Variants in ST8SIA5 observed in about 807,000 individuals in gnomAD.
ST8SIA5 encodes the protein alpha-2,8-sialyltransferase 8E.
A neutral mutation model predicts 40.2 loss-of-function variants in ST8SIA5; 24 were observed. The ratio of observed to expected loss-of-function variants is 0.60; its 90% CI spans 0.43 to 0.84. The LOEUF (loss-of-function observed/expected upper bound fraction) is 0.84. ST8SIA5 is among the 40% of genes least tolerant of loss of function. ST8SIA5 has a pLI of 0.00. For synonymous variants in ST8SIA5, 198 were observed against 201.8 expected (o/e 0.98, Z 0.16); for missense variants, 465 against 498.5 (o/e 0.93, Z 0.64).
intron 1 of ST8SIA5, among the ~76,000 whole-genome samples, chr18:46,709,193 G>A (rs1006284393): frequency 6.6e-6 from 1 of 152,204 alleles, no homozygotes; most frequent in African/African-American, 2.4e-5. Context: ...AAGAGGCAGG[G>A]CCTTTGGGAG....
chr18:46,718,959 T>C (rs1178356405), intron 1 of ST8SIA5, among the ~76,000 whole-genome samples: 1 of 152,158 alleles, frequency 6.6e-6, no homozygotes, highest in Non-Finnish European at 1.5e-5. Flanking sequence ...CAGAAGCTGC[T>C]CACACGCCAG....
intron 1 of ST8SIA5, among the ~76,000 whole-genome samples, chr18:46,742,178 A>G (rs1469459124): frequency 6.6e-6 from 1 of 152,096 alleles, no homozygotes; most frequent in Non-Finnish European, 1.5e-5. Flanking sequence ...AAATGTGTGG[A>G]ACTTTACCTA....
At chr18:46,726,647 G>A (rs868345663) in intron 1 of ST8SIA5, among the ~76,000 whole-genome samples, 134 of 143,454 alleles carry the variant, frequency 9.3e-4, no homozygotes, top group African/African-American at 3.3e-3. Flanking sequence ...GGCCAGGCAC[G>A]GTGGCTCGTG....
rs750272677 is a variant in ST8SIA5, at chr18:46,680,146, G to A, written c.1027C>T (p.Pro343Ser). Residue 343 changes from proline to serine, a missense_variant, in exon 7 of 7, where the codon CCG (proline) becomes TCG (serine). Transcript: ENST00000315087. ...ITHHYYDNVK[P>S]RPGFHAMPSE... ...GGCATGGCGTGGAAGCCGGGACGCG[G>A]CTTGACGTTGTCATAGTAGTGGTGA... is the stretch of plus-strand genomic sequence containing the variant. 1 of 1,614,260 alleles carries A rather than the reference G, an allele frequency of 6.2e-7. No individual in the cohort carries two copies.
At chr18:46,748,186 G>A (rs1217429614) in intron 1 of ST8SIA5, among the ~76,000 whole-genome samples, 6 of 152,016 alleles carry the variant, frequency 3.9e-5, no homozygotes, top group Admixed American at 3.3e-4. Context: ...AAACCTGCAC[G>A]TTGTGCACAT....
rs746167460 is a variant in ST8SIA5, at chr18:46,680,105, G to T, written c.1068C>A (p.Asn356Lys). The T allele has an allele frequency of 6.2e-7, 1 of 1,614,210 alleles. No homozygotes were observed. Among genetic ancestry groups the T allele is most frequent in the Non-Finnish European group, 8.5e-7 (1 of 1,180,042 alleles). Residue 356 changes from asparagine to lysine, a missense_variant, in exon 7 of 7, where the codon AAC (asparagine) becomes AAA (lysine). Physicochemically the swap from Asn to Lys is moderately conservative, Grantham distance 94. Transcript: ENST00000315087. ...GFHAMPSEIF[N>K]FLHLHSRGIL... Reference sequence around the variant, plus strand: ...TGCCTCGGCTGTGCAAGTGCAGGAAGTTGAAGATCTCAGAGGGCATGGCGT... The same window carrying T: ...TGCCTCGGCTGTGCAAGTGCAGGAATTTGAAGATCTCAGAGGGCATGGCGT...
rs760988683 is a variant in ST8SIA5 at position 46,719,704 on chromosome 18, T to TTCTTTCTTTCTTTCTTTCTTTCTC, written c.132-15041_132-15040insGAGAAAGAAAGAAAGAAAGAAAGA. Reference sequence around the variant, plus strand: ...CTTTTTTCTTTCTTTCTTTCTTTCTTTCTCTCTTTCTTTCTCTCTTTCTCT... The same window carrying TTCTTTCTTTCTTTCTTTCTTTCTC: ...CTTTTTTCTTTCTTTCTTTCTTTCTTTCTTTCTTTCTTTCTTTCTTTCTCTCTCTCTTTCTTTCTCTCTTTCTCT... On this transcript the variant is annotated intron_variant, in intron 1 of 6. Coordinates refer to ENST00000315087, the MANE Select transcript of ST8SIA5 (RefSeq NM_013305.6). Among the ~76,000 whole-genome samples the TTCTTTCTTTCTTTCTTTCTTTCTC allele has an allele frequency of 2.3e-3, 333 of 143,944 alleles. 9 individuals are homozygous for TTCTTTCTTTCTTTCTTTCTTTCTC. The highest frequency in any genetic ancestry group is 0.015 in the South Asian group (67 of 4,326). 94.4% of individuals were successfully genotyped at this position (143,944 alleles called of 152,430 possible).
At chr18:46,689,041 G>T in intron 3 of ST8SIA5, 122 bp from the exon 4 acceptor site, 1 of 1,235,540 alleles carries the variant, frequency 8.1e-7, no homozygotes, top group Non-Finnish European at 1.1e-6. Flanking sequence ...CCTATCCCAC[G>T]CTTGCCCCCA....
Position 46,710,425 on chromosome 18 carries a change from C to T in ST8SIA5, c.132-5761G>A, listed in dbSNP as rs945981160. 5.5e-5 allele frequency among the ~76,000 whole-genome samples: 6 copies of T among 108,438 alleles called. No individual in the cohort carries two copies. The South Asian group carries it at 1.4e-3, about 26-fold the overall frequency. 71.1% of individuals were successfully genotyped at this position (108,438 alleles called of 152,430 possible). A position where few individuals can be genotyped will look rare whatever the true frequency, so the allele number is the denominator to read the frequency against. Reference sequence around the variant, plus strand: ...TTTCTTTCTTTCTTTCTTTTTCTTTCTCTCTCTTTCTTTTTCTTTTTCTTT... The same window carrying T: ...TTTCTTTCTTTCTTTCTTTTTCTTTTTCTCTCTTTCTTTTTCTTTTTCTTT... On this transcript the variant is annotated intron_variant, in intron 1 of 6. Transcript: ENST00000315087.
chr18:46,680,780 C>T (rs2039386468), intron 6 of ST8SIA5, among the ~76,000 whole-genome samples: 1 of 152,146 alleles, frequency 6.6e-6, no homozygotes, highest in Non-Finnish European at 1.5e-5. Context: ...ATGCTGAATC[C>T]AAAAGGATGA....
chr18:46,738,026 C>T (rs112627796), intron 1 of ST8SIA5, among the ~76,000 whole-genome samples: 1 of 152,064 alleles, frequency 6.6e-6, no homozygotes, highest in Non-Finnish European at 1.5e-5. Context: ...CCACCTCGGC[C>T]TCTCAAAATG....
chr18:46,748,017 A>T (rs2040157342), intron 1 of ST8SIA5, among the ~76,000 whole-genome samples: 1 of 152,074 alleles, frequency 6.6e-6, no homozygotes, highest in Admixed American at 6.5e-5. Flanking sequence ...TGGGAACTGA[A>T]CAATGAGAAC....
At chr18:46,721,411 T>G (rs547950824) in intron 1 of ST8SIA5, 2 of 1,536,066 alleles carry the variant, frequency 1.3e-6, no homozygotes, top group African/African-American at 2.7e-5. Flanking sequence ...TCCGTGACAT[T>G]AAAGAGCCCC....
At chr18:46,692,063 G>T in intron 3 of ST8SIA5, 106 bp downstream of exon 3, 2 of 1,189,394 alleles carry the variant, frequency 1.7e-6, no homozygotes, top group South Asian at 1.3e-5. Context: ...CTGCTCTGGG[G>T]AAGATGCACG....
At chr18:46,680,572 C>G (rs1399367562) in intron 6 of ST8SIA5, 62 bp from the exon 7 acceptor site, 1 of 1,474,270 alleles carries the variant, frequency 6.8e-7, no homozygotes, top group Non-Finnish European at 9.1e-7. Context: ...CCCCTCGCTT[C>G]CCCACCCTTG....
chr18:46,720,406 G>T (rs563276296), intron 1 of ST8SIA5, among the ~76,000 whole-genome samples: 1 of 152,134 alleles, frequency 6.6e-6, no homozygotes, highest in Admixed American at 6.6e-5. Flanking sequence ...CACAGCGTGC[G>T]ACCATCCCCA....
intron 1 of ST8SIA5, among the ~76,000 whole-genome samples, chr18:46,741,330 A>T (rs1273123544): frequency 6.6e-6 from 1 of 152,236 alleles, no homozygotes. Context: ...TCTTACAATT[A>T]CTAAAGAAAT....
intron 1 of ST8SIA5, among the ~76,000 whole-genome samples, chr18:46,749,752 C>A (rs767633373): frequency 6.6e-6 from 1 of 152,104 alleles, no homozygotes; most frequent in Non-Finnish European, 1.5e-5. Flanking sequence ...TGAATTGTTA[C>A]GGACTAAATA....
intron 1 of ST8SIA5, among the ~76,000 whole-genome samples, chr18:46,717,303 G>A (rs1323288540): frequency 6.6e-6 from 1 of 152,122 alleles, no homozygotes; most frequent in Non-Finnish European, 1.5e-5. Flanking sequence ...TAGTCAGTTA[G>A]CACAGGAGCA....
Sources: allele counts gnomAD v4.1 joint callset (sites outside exome capture counted in the v4.1 genomes callset), GRCh38; gene constraint gnomAD v4.1.1; transcripts MANE v1.5; gene names NCBI Gene and HGNC (gene_info 2026-07-23, HGNC 2026-07-21).